Variants in STIM2 observed in about 807,000 individuals in gnomAD.
STIM2 encodes the protein stromal interaction molecule 2.
STIM2 carries 31 observed loss-of-function variants against 85.8 expected under a neutral mutation model. The ratio of observed to expected loss-of-function variants is 0.36; its 90% confidence interval spans 0.27 to 0.49. The LOEUF (loss-of-function observed/expected upper bound fraction) is 0.49, where lower values mean the gene tolerates loss of function less well. STIM2 is among the 20% of genes least tolerant of loss of function. STIM2 has a pLI of 0.98. For synonymous variants in STIM2, 356 were observed against 331.1 expected (o/e 1.08, Z -0.82); for missense variants, 841 against 927.6 (o/e 0.91, Z 1.21).
chr4:26,975,181 G>A (rs372990822), intron 3 of STIM2, among the ~76,000 whole-genome samples: 2 of 152,014 alleles, frequency 1.3e-5, no homozygotes, highest in Admixed American at 6.6e-5. Flanking sequence ...CGATGGGTTC[G>A]AACATCCTGC....
chr4:26,881,501 C>G (rs1723014462), intron 1 of STIM2: 2 of 151,166 alleles, frequency 1.3e-5, no homozygotes, highest in Non-Finnish European at 1.5e-5. Flanking sequence ...CCTTTCCCTT[C>G]TGTCATGTAA....
intron 1 of STIM2, among the ~76,000 whole-genome samples, chr4:26,891,557 A>G (rs1723482332): frequency 9.7e-6 from 1 of 103,028 alleles, no homozygotes; most frequent in East Asian, 4.1e-4. Flanking sequence ...GTATACATAC[A>G]TACACACACA....
At chr4:26,952,152 T>G (rs962712968) in intron 2 of STIM2, among the ~76,000 whole-genome samples, 2 of 152,128 alleles carry the variant, frequency 1.3e-5, no homozygotes, top group Non-Finnish European at 2.9e-5. Context: ...GGGAGTACAA[T>G]TCAAGATGAG....
chr4:26,982,290 G>C (rs951187908), intron 3 of STIM2, among the ~76,000 whole-genome samples: 4 of 152,122 alleles, frequency 2.6e-5, no homozygotes, highest in African/African-American at 7.2e-5. Flanking sequence ...TTGATCTTCT[G>C]CATTTATTCA....
chr4:26,922,336 T>G (rs1724835772), intron 2 of STIM2, among the ~76,000 whole-genome samples: 1 of 152,206 alleles, frequency 6.6e-6, no homozygotes, highest in African/African-American at 2.4e-5. Flanking sequence ...ATTTACAATA[T>G]GACAGGATTA....
At chr4:26,964,498 C>T (rs1726632775) in intron 3 of STIM2, among the ~76,000 whole-genome samples, 1 of 152,012 alleles carries the variant, frequency 6.6e-6, no homozygotes, top group African/African-American at 2.4e-5. Flanking sequence ...TATAATGTGG[C>T]TTTGAGTGGG....
chr4:26,906,475 G>A (rs1724130766), intron 1 of STIM2, among the ~76,000 whole-genome samples: 1 of 144,636 alleles, frequency 6.9e-6, no homozygotes. Flanking sequence ...CTATTGCAGA[G>A]TTTCAGCAAT....
At chr4:26,940,012 T>G (rs1382841630) in intron 2 of STIM2, among the ~76,000 whole-genome samples, 1 of 152,170 alleles carries the variant, frequency 6.6e-6, no homozygotes, top group Non-Finnish European at 1.5e-5. Flanking sequence ...CAAACAAAGC[T>G]CTGCGTAGAG....
chr4:26,934,506 A>C (rs1356830111), intron 2 of STIM2, among the ~76,000 whole-genome samples: 1 of 152,246 alleles, frequency 6.6e-6, no homozygotes, highest in Non-Finnish European at 1.5e-5. Flanking sequence ...CACTGTTTGC[A>C]GGTTTCTTCA....
At chr4:26,934,913 CAAAAAAA>C (rs1160656482) in intron 2 of STIM2, among the ~76,000 whole-genome samples, 4 of 57,614 alleles carry the variant, frequency 6.9e-5, no homozygotes, top group East Asian at 9.0e-4. Context: ...AACTCCATCT[CAAAAAAA>C]AAAAAAAAAA....
At chr4:26,986,568 AAGTTT>A (rs1241062674) in intron 3 of STIM2, among the ~76,000 whole-genome samples, 3 of 152,158 alleles carry the variant, frequency 2.0e-5, no homozygotes, top group African/African-American at 7.2e-5. Context: ...TAATCTTTTA[AAGTTT>A]ATCTTTTATA....
At chr4:26,893,376 T>A (rs546018723) in intron 1 of STIM2, among the ~76,000 whole-genome samples, 3 of 152,322 alleles carry the variant, frequency 2.0e-5, no homozygotes, top group East Asian at 3.9e-4. Flanking sequence ...CTAGATAATA[T>A]TATTTAGTTT....
At chr4:26,863,369 A>G (rs1247568663) in intron 1 of STIM2, among the ~76,000 whole-genome samples, 3 of 152,182 alleles carry the variant, frequency 2.0e-5, no homozygotes, top group African/African-American at 4.8e-5. Context: ...TAAATCATAA[A>G]ACTACACAAT....
chr4:26,947,853 G>C (rs1215948220), intron 2 of STIM2, among the ~76,000 whole-genome samples: 1 of 152,262 alleles, frequency 6.6e-6, no homozygotes, highest in African/African-American at 2.4e-5. Context: ...TTGACTCTGT[G>C]TATCAAAAGC....
chr4:26,920,596 C>T (rs145059770), intron 2 of STIM2, among the ~76,000 whole-genome samples: 7 of 152,114 alleles, frequency 4.6e-5, no homozygotes, highest in South Asian at 2.1e-4. Context: ...ATTATTATCT[C>T]GTGATGTAAC....
intron 2 of STIM2, among the ~76,000 whole-genome samples, chr4:26,956,413 G>A (rs1726240665): frequency 1.3e-5 from 2 of 150,768 alleles, no homozygotes; most frequent in South Asian, 2.1e-4. Flanking sequence ...TATAGAACAG[G>A]TTAGTTTTTA....
In STIM2 at chr4:27,022,769, A is replaced by G. The variant is rs770321321; in HGVS notation, c.2014A>G (p.Asn672Asp). Residue 672 changes from asparagine to aspartate, a missense_variant, in exon 12 of 12, where the codon AAT becomes GAT. Coordinates refer to ENST00000467087, the MANE Select transcript of STIM2 (RefSeq NM_020860.4). ...CTTCAGTCCTGCAAGCAAAGTGTAC[A>G]ATGGCATTTTGGAGAAATCCTGTAG... The G allele has an allele frequency of 1.5e-5, 24 of 1,614,096 alleles. No homozygotes were observed. The highest frequency in any genetic ancestry group is 6.7e-5 in the Admixed American group (4 of 60,010).
intron 3 of STIM2, among the ~76,000 whole-genome samples, chr4:26,988,560 C>T (rs147966085): frequency 3.3e-5 from 5 of 152,200 alleles, no homozygotes; most frequent in Non-Finnish European, 5.9e-5. Flanking sequence ...TTTGAAGAGG[C>T]GGTGTTCCTG....
intron 1 of STIM2, among the ~76,000 whole-genome samples, chr4:26,907,238 G>A (rs1724165089): frequency 6.6e-6 from 1 of 152,002 alleles, no homozygotes; most frequent in African/African-American, 2.4e-5. Flanking sequence ...CATTATCATG[G>A]AAGAGTTGAA....
Sources: allele counts gnomAD v4.1 joint callset (sites outside exome capture counted in the v4.1 genomes callset), GRCh38; gene constraint gnomAD v4.1.1; transcripts MANE v1.5; gene names NCBI Gene and HGNC (gene_info 2026-07-23, HGNC 2026-07-21).